IRAG2: variants seen among roughly 807,000 people sequenced by gnomAD.
IRAG2 encodes the protein inositol 1,4,5-triphosphate receptor associated 2.
Under a neutral mutation model 69.9 loss-of-function variants are expected in IRAG2, and 45 were observed. The ratio of observed to expected loss-of-function variants is 0.64; its 90% CI spans 0.51 to 0.83. The LOEUF (loss-of-function observed/expected upper bound fraction) is 0.83, where lower values mean the gene tolerates loss of function less well. IRAG2 is among the 40% of genes least tolerant of loss of function. The pLI is 0.00. For missense variants in IRAG2, 520 were observed against 587.0 expected (o/e 0.89, Z 1.18); for synonymous variants, 193 against 202.4 (o/e 0.95, Z 0.40).
intron 4 of IRAG2, chr12:25,015,316 A>AT (rs1399399180): frequency 2.2e-5 from 27 of 1,230,406 alleles, no homozygotes; most frequent in South Asian, 8.2e-5. Context: ...GTAGAAAATG[A>AT]TTTTTTTTCA....
chr12:25,023,747 C>T, intron 7 of IRAG2: 1 of 447,256 alleles, frequency 2.2e-6, no homozygotes, highest in Non-Finnish European at 3.7e-6. Flanking sequence ...TCAGAGTAGG[C>T]TCATTTGTGA....
intron 6 of IRAG2, among the ~76,000 whole-genome samples, chr12:25,077,308 G>GAAATATATATATGAAAT (rs1366137453): frequency 5.7e-5 from 1 of 17,664 alleles, no homozygotes; most frequent in African/African-American, 1.8e-4. Flanking sequence ...AAATATATAT[G>GAAATATATATATGAAAT]ATATATATGA....
chr12:25,038,380 C>T (rs566766130), intron 16 of IRAG2, among the ~76,000 whole-genome samples: 11 of 152,026 alleles, frequency 7.2e-5, no homozygotes, highest in Admixed American at 3.9e-4. Flanking sequence ...CGGTGGCTCA[C>T]GCCTGTAATC....
rs56659655 is a variant in IRAG2, at chr12:25,018,193, C to CTTTT, written c.1214+918_1214+921dup. On this transcript the variant is annotated intron_variant, in intron 6 of 38. Transcript: ENST00000636465. ...GAGTGGAAATGTTTCTTTCTTTCTT[C>CTTTT]TTTTTTTTTTTTTTTTTTTTGGAGA... Among the ~76,000 whole-genome samples, 1,017 of 105,442 alleles carry CTTTT rather than the reference C, an allele frequency of 9.6e-3. 29 individuals are homozygous for CTTTT. The highest frequency in any genetic ancestry group is 0.031 in the African/African-American group (863 of 27,794). The allele number at this position is 105,442 out of a possible 152,430, so 69.2% of individuals were successfully genotyped here.
intron 6 of IRAG2, among the ~76,000 whole-genome samples, chr12:25,073,488 T>C (rs1946462759): frequency 6.6e-6 from 1 of 152,232 alleles, no homozygotes; most frequent in South Asian, 2.1e-4. Flanking sequence ...ACTTGAGATT[T>C]ACTTTCTGTT....
At chr12:25,079,510 C>G (rs1565566204) in intron 8 of IRAG2, 48 bp downstream of exon 8, 1 of 1,528,266 alleles carries the variant, frequency 6.5e-7, no homozygotes, top group East Asian at 2.2e-5. Context: ...AGTATTACAG[C>G]TTTCAGCCTG....
At chr12:25,091,012 T>A (rs908053288) in intron 14 of IRAG2, 1 of 216,406 alleles carries the variant, frequency 4.6e-6, no homozygotes, top group African/African-American at 2.3e-5. Context: ...TAACAACTAC[T>A]ATTATCCTTC....
chr12:25,033,204 C>T (rs1006756447), intron 12 of IRAG2, among the ~76,000 whole-genome samples: 1 of 152,150 alleles, frequency 6.6e-6, no homozygotes, highest in Non-Finnish European at 1.5e-5. Context: ...ATCTGCCTGC[C>T]TCGGCCTCTC....
intron 16 of IRAG2, among the ~76,000 whole-genome samples, chr12:25,042,764 C>T (rs1245759512): frequency 6.6e-6 from 1 of 151,620 alleles, no homozygotes; most frequent in African/African-American, 2.4e-5. Context: ...CGCGCCTGGC[C>T]CCCATCTAGT....
intron 16 of IRAG2, among the ~76,000 whole-genome samples, chr12:25,040,410 G>A (rs1439500736): frequency 6.6e-6 from 1 of 152,156 alleles, no homozygotes; most frequent in African/African-American, 2.4e-5. Context: ...GGGAGGTTGA[G>A]GTGGAAGGAT....
At chr12:25,009,782 TTTCAA>T (rs1227467053) in intron 2 of IRAG2, among the ~76,000 whole-genome samples, 1 of 143,024 alleles carries the variant, frequency 7.0e-6, no homozygotes, top group African/African-American at 2.6e-5. Flanking sequence ...AGAGCCAACA[TTTCAA>T]TTCAAGTCTA....
At chr12:25,069,691 C>T (rs1946202503) in intron 6 of IRAG2, among the ~76,000 whole-genome samples, 1 of 152,072 alleles carries the variant, frequency 6.6e-6, no homozygotes, top group Non-Finnish European at 1.5e-5. Context: ...AAAGAGATTT[C>T]AATGAAGTGA....
intron 16 of IRAG2, among the ~76,000 whole-genome samples, chr12:25,044,347 G>A (rs1318640729): frequency 6.6e-6 from 1 of 151,742 alleles, no homozygotes; most frequent in African/African-American, 2.4e-5. Flanking sequence ...GGCAAGCAGA[G>A]AGGAAAAGAG....
chr12:25,048,295 A>C (rs1944813777), upstream of IRAG2, among the ~76,000 whole-genome samples: 1 of 151,406 alleles, frequency 6.6e-6, no homozygotes, highest in African/African-American at 2.4e-5. Context: ...CCCACTTTTT[A>C]TTTTTTTATT....
intron 18 of IRAG2, 47 bp from the exon 19 acceptor site, chr12:25,103,962 A>G (rs1448743969): frequency 4.4e-6 from 7 of 1,602,310 alleles, no homozygotes; most frequent in Non-Finnish European, 6.0e-6. Flanking sequence ...CAGAAAATAT[A>G]AACGTATATT....
chr12:25,083,523 G>T, intron 10 of IRAG2, 30 bp downstream of exon 10: 2 of 1,374,712 alleles, frequency 1.5e-6, no homozygotes, highest in East Asian at 2.3e-5. Context: ...CACAACAAAG[G>T]TGGTGGTATC....
chr12:25,030,470 T>A, intron 10 of IRAG2: 1 of 481,504 alleles, frequency 2.1e-6, no homozygotes, highest in Admixed American at 4.5e-5. Flanking sequence ...CACTGCAACC[T>A]CCACCTCCCA....
intron 5 of IRAG2, among the ~76,000 whole-genome samples, chr12:25,067,963 C>T (rs1345373034): frequency 2.0e-5 from 3 of 152,186 alleles, no homozygotes; most frequent in Admixed American, 2.0e-4. Context: ...GCCTCAGTCT[C>T]CCAAGTAGCT....
At chr12:25,002,649 C>CTTTT (rs374969962), upstream of IRAG2, among the ~76,000 whole-genome samples, 16 of 145,466 alleles carry the variant, frequency 1.1e-4, no homozygotes, top group South Asian at 2.2e-4. Context: ...TTCTTCTTTT[C>CTTTT]TTTTTTTTTT....
Sources: gnomAD v4.1 joint callset for allele counts (sites outside exome capture counted in the v4.1 genomes callset) on GRCh38, gnomAD v4.1.1 for gene constraint, MANE v1.5 for transcripts, NCBI Gene and HGNC (gene_info 2026-07-23, HGNC 2026-07-21) for gene names.